EMC1: variants seen among roughly 807,000 people sequenced by gnomAD.
The protein encoded by EMC1 is ER membrane protein complex subunit 1.
EMC1 carries 103 observed loss-of-function variants against 128.8 expected under a neutral mutation model. The ratio of observed to expected loss-of-function variants is 0.80; its 90% CI spans 0.68 to 0.94. The LOEUF (loss-of-function observed/expected upper bound fraction) is 0.94. EMC1 is among the 40% of genes least tolerant of loss of function. The pLI is 0.00. For missense variants in EMC1, 1,083 were observed against 1,250.6 expected (o/e 0.87, Z 2.02); for synonymous variants, 442 against 490.4 (o/e 0.90, Z 1.30).
chr1:19,239,700 G>A, intron 8 of EMC1, 118 bp downstream of exon 8: 1 of 1,001,422 alleles, frequency 1.0e-6, no homozygotes, highest in Non-Finnish European at 1.5e-6. Flanking sequence ...CTTACGGGAA[G>A]GTGTCATCAA....
At chr1:19,248,193 TTTGTTTTTTGTTTGC>T (rs955210484) in intron 1 of EMC1, among the ~76,000 whole-genome samples, 6 of 152,062 alleles carry the variant, frequency 3.9e-5, no homozygotes, top group Non-Finnish European at 7.4e-5. Flanking sequence ...TGTGTCTTAG[TTTGTTTTTTGTTTGC>T]TTGTTTTTTG....
At position 19,239,817 on chromosome 1, in the gene EMC1, C is replaced by T. The variant is rs750255505; in HGVS notation, c.954+1G>A. 1.2e-6 allele frequency: 2 copies of T among 1,613,836 alleles called. No individual in the cohort carries two copies. The highest frequency in any genetic ancestry group is 4.5e-5 in the East Asian group (2 of 44,848). ...TAGCAAACCATGTTGCCTGCAGTTA[C>T]CTGTGGGAAGTTTTTAAGCAAACTC... is the stretch of plus-strand genomic sequence containing the variant. On this transcript the variant is annotated splice_donor_variant, in intron 8 of 22. Transcript: ENST00000477853. LOFTEE classifies it high-confidence loss of function.
chr1:19,238,763 G>C (rs747769087), intron 10 of EMC1, 32 bp downstream of exon 10: 1 of 1,517,804 alleles, frequency 6.6e-7, no homozygotes, highest in Non-Finnish European at 9.1e-7. Flanking sequence ...TGCGTCTCTA[G>C]GTCTGGCATA....
chr1:19,239,116 T>TG, intron 9 of EMC1, 115 bp downstream of exon 9: 1 of 972,590 alleles, frequency 1.0e-6, no homozygotes, highest in Non-Finnish European at 1.6e-6. Flanking sequence ...AACAGCCTCC[T>TG]GCCCGCTGGG....
intron 17 of EMC1, 144 bp from the exon 18 acceptor site, chr1:19,227,594 C>T (rs2093485425): frequency 6.8e-6 from 7 of 1,031,010 alleles, no homozygotes; most frequent in Admixed American, 2.6e-5. Context: ...GAGCCAGGAG[C>T]AGTGGCTCAT....
chr1:19,222,526 G>A lies in EMC1; in HGVS notation c.2587+98C>T, dbSNP rs2093439534. On this transcript the variant is annotated intron_variant, in intron 20 of 22. Coordinates refer to ENST00000477853, the MANE Select transcript of EMC1 (RefSeq NM_015047.3). ...CCTCACCACCTTTCCCTTACAGGTG[G>A]TTCAACAAGGCTCTGCCAGCAATGT... 18 of 1,088,808 alleles carry A rather than the reference G, an allele frequency of 1.7e-5. No individual in the cohort carries two copies. In the South Asian group the frequency reaches 1.9e-4, roughly 11 times the overall value. The allele number at this position is 1,088,808 out of a possible 1,614,324, so 67.4% of individuals were successfully genotyped here.
chr1:19,241,872 T>G (rs1260668059), intron 5 of EMC1, among the ~76,000 whole-genome samples: 1 of 152,120 alleles, frequency 6.6e-6, no homozygotes, highest in Non-Finnish European at 1.5e-5. Flanking sequence ...AAGTAGATCC[T>G]TTTATCTTGT....
intron 17 of EMC1, among the ~76,000 whole-genome samples, chr1:19,227,971 C>G (rs534586237): frequency 6.6e-6 from 1 of 152,022 alleles, no homozygotes; most frequent in Non-Finnish European, 1.5e-5. Flanking sequence ...TTCGGGAGGC[C>G]GAGGCAGGTG....
At position 19,244,952 on chromosome 1, in the gene EMC1, T is replaced by C. The variant is rs140315410; in HGVS notation, c.174A>G (p.Thr58=). ...SPGSKKLVVA[T]EKNVIAALNS... The stretch of plus-strand genomic sequence containing the variant: ...TTAATGCTGCAATCACATTCTTCTC[T>C]GTGGCTACAACCAACTTCTTGGATC... Residue 58 remains threonine, a synonymous_variant, in exon 2 of 23, where the codon ACA becomes ACG. Transcript: ENST00000477853. The C allele has an allele frequency of 6.2e-7, 1 of 1,613,984 alleles. No individual in the cohort carries two copies. The highest frequency in any genetic ancestry group is 2.2e-5 in the East Asian group (1 of 44,870).
intron 9 of EMC1, 128 bp from the exon 10 acceptor site, chr1:19,238,985 C>T (rs2093586841): frequency 1.3e-6 from 1 of 783,640 alleles, no homozygotes; most frequent in South Asian, 1.6e-5. Context: ...CCCCTGCCCA[C>T]AAAGCCTATT....
chr1:19,243,873 C>A, intron 3 of EMC1, 77 bp downstream of exon 3: 1 of 1,534,510 alleles, frequency 6.5e-7, no homozygotes, highest in Non-Finnish European at 9.0e-7. Flanking sequence ...CCCTACCAGA[C>A]CCTGTACAGA....
In EMC1 at chr1:19,216,453, T is replaced by C. The variant is rs1275987308; in HGVS notation, c.*2850A>G. The C allele has an allele frequency of 6.6e-6, 1 of 152,142 alleles. No individual in the cohort carries two copies. Among genetic ancestry groups the C allele is most frequent in the Admixed American group, 6.5e-5 (1 of 15,272 alleles). 9.4% of individuals were successfully genotyped at this position (152,142 alleles called of 1,614,324 possible). On this transcript the variant is annotated 3_prime_UTR_variant, in exon 23 of 23. Transcript: ENST00000477853. ...TATTTCAGTCATCTTTATGAATACATGATATTCAAGATACATTAGCTGAGC... is the reference window on the plus strand; with the variant it reads ...TATTTCAGTCATCTTTATGAATACACGATATTCAAGATACATTAGCTGAGC...
chr1:19,248,322 C>T (rs761652164), intron 1 of EMC1, among the ~76,000 whole-genome samples: 2 of 152,154 alleles, frequency 1.3e-5, no homozygotes, highest in African/African-American at 2.4e-5. Context: ...CTCAGCCTCC[C>T]GAGTAGCTGG....
chr1:19,241,283 TTTG>T, intron 5 of EMC1, 141 bp from the exon 6 acceptor site: 4 of 873,328 alleles, frequency 4.6e-6, no homozygotes, highest in Admixed American at 2.7e-5. Context: ...TTTGGGGGCT[TTTG>T]TTGTTGTTGT....
At chr1:19,246,937 TAA>T (rs2151965740) in intron 1 of EMC1, among the ~76,000 whole-genome samples, 1 of 152,258 alleles carries the variant, frequency 6.6e-6, no homozygotes, top group East Asian at 1.9e-4. Context: ...TATGTTTTAA[TAA>T]AGTCAAAAGG....
Position 19,242,507 on chromosome 1 carries a change from C to G in EMC1, c.381-34G>C, listed in dbSNP as rs372663102. ...AAGTACAGGTTGAGAGCAGCCCACA[C>G]CTGCAGAGCCTCAGGCTGGGAGAGA... On this transcript the variant is annotated intron_variant, in intron 4 of 22. Transcript: ENST00000477853. 2.5e-6 allele frequency: 4 copies of G among 1,612,936 alleles called. No individual in the cohort carries two copies. The African/African-American group carries it at 4.0e-5, about 16-fold the overall frequency.
intron 7 of EMC1, 98 bp downstream of exon 7, chr1:19,240,199 A>T (rs570091421): frequency 1.4e-6 from 2 of 1,478,464 alleles, no homozygotes; most frequent in African/African-American, 2.8e-5. Context: ...ACTGCTCAGG[A>T]AGAGTCTAGG....
At chr1:19,226,202 C>T (rs1293970365) in intron 18 of EMC1, among the ~76,000 whole-genome samples, 1 of 152,126 alleles carries the variant, frequency 6.6e-6, no homozygotes, top group African/African-American at 2.4e-5. Context: ...GTTTTGCAGC[C>T]CACTAGTCAC....
chr1:19,227,178 CA>C, intron 18 of EMC1, 134 bp downstream of exon 18: 1 of 973,896 alleles, frequency 1.0e-6, no homozygotes, highest in South Asian at 1.6e-5. Flanking sequence ...ATTTCACAAA[CA>C]AAAATTAAGG....
Sources: gnomAD v4.1 joint callset for allele counts (sites outside exome capture counted in the v4.1 genomes callset) on GRCh38, gnomAD v4.1.1 for gene constraint, MANE v1.5 for transcripts, NCBI Gene and HGNC (gene_info 2026-07-23, HGNC 2026-07-21) for gene names.